Variants in BOC observed in about 807,000 individuals in gnomAD.
BOC encodes BOC cell adhesion associated, oncogene regulated.
A neutral mutation model predicts 112.0 loss-of-function variants in BOC; 76 were observed. That is an observed-to-expected ratio of 0.68 (90% CI 0.56 to 0.82). BOC has a LOEUF of 0.82. BOC is among the 40% of genes least tolerant of loss of function. The pLI is 0.00. For missense variants in BOC, 1,309 were observed against 1,511.7 expected (o/e 0.87, Z 2.22); for synonymous variants, 580 against 599.8 (o/e 0.97, Z 0.48).
intron 5 of BOC, 72 bp downstream of exon 5, chr3:113,268,517 C>A: frequency 1.4e-6 from 2 of 1,459,054 alleles, no homozygotes; most frequent in Non-Finnish European, 9.4e-7. Context: ...CCGCTCGCTG[C>A]TCAACAAAGC....
rs780233604 is a variant in BOC, at chr3:113,278,982, C to T, written c.1816+199C>T. The T allele has an allele frequency of 3.3e-5, 21 of 641,160 alleles. No homozygotes were observed. Among genetic ancestry groups the T allele is most frequent in the Non-Finnish European group, 5.1e-5 (19 of 372,632 alleles). The allele number at this position is 641,160 out of a possible 1,614,324, so 39.7% of individuals were successfully genotyped here. On this transcript the variant is annotated intron_variant, in intron 11 of 19. Coordinates refer to ENST00000682979, the MANE Select transcript of BOC (RefSeq NM_001378074.1). This position sits in a 1 kb window ranked among gnomAD's most constrained non-coding sequence, Gnocchi z 4.2. Reference sequence around the variant, plus strand: ...TGATGCTGGGATTGCTCACTGGGTGCATCCAGAGAGCAGCAGAGGCCAGAG... The same window carrying T: ...TGATGCTGGGATTGCTCACTGGGTGTATCCAGAGAGCAGCAGAGGCCAGAG...
chr3:113,236,350 T>A (rs1943565268), intron 2 of BOC, among the ~76,000 whole-genome samples: 1 of 90,486 alleles, frequency 1.1e-5, no homozygotes, highest in Non-Finnish European at 2.7e-5. Context: ...AAGAATGGAA[T>A]CATGTCTTTT....
Position 113,250,805 on chromosome 3 carries a change from C to T in BOC, c.348C>T (p.Ala116=), listed in dbSNP as rs1369980582. ...CVARMPAGAV[A]SVPATVTLAN... ...CCCGGATGCCTGCGGGGGCTGTGGC[C>T]AGCGTGCCAGCCACTGTGACACTAG... is the stretch of plus-strand genomic sequence containing the variant. The change falls in exon 4 of 20, where the codon GCC becomes GCT. Residue 116 remains alanine (A), a synonymous_variant. Coordinates refer to ENST00000682979, the MANE Select transcript of BOC (RefSeq NM_001378074.1). 1.1e-5 allele frequency: 18 copies of T among 1,613,642 alleles called. No homozygotes were observed. Among genetic ancestry groups the T allele is most frequent in the Non-Finnish European group, 1.5e-5 (18 of 1,179,996 alleles).
intron 3 of BOC, among the ~76,000 whole-genome samples, 159 bp from the exon 4 acceptor site, chr3:113,250,396 A>C (rs1945467402): frequency 6.6e-6 from 1 of 152,202 alleles, no homozygotes; most frequent in African/African-American, 2.4e-5. Flanking sequence ...TCTGGGAACA[A>C]AGGCAGGTTG....
chr3:113,270,567 C>A, intron 5 of BOC: 1 of 494,434 alleles, frequency 2.0e-6, no homozygotes. Context: ...GTCAGCCAGT[C>A]TGTTAGCTGG....
intron 4 of BOC, among the ~76,000 whole-genome samples, chr3:113,255,864 T>C (rs1429583997): frequency 6.6e-6 from 1 of 152,108 alleles, no homozygotes; most frequent in Admixed American, 6.5e-5. Context: ...AACCCATGAA[T>C]AAAATGAAGG....
chr3:113,260,706 ACAGAACAGAACAGAAAGAAC>A, intron 4 of BOC, among the ~76,000 whole-genome samples: 1 of 137,644 alleles, frequency 7.3e-6, no homozygotes, highest in Non-Finnish European at 1.5e-5. Context: ...ACAGAACAGA[ACAGAACAGAACAGAAAGAAC>A]AGAACAGAAC....
intron 3 of BOC, 69 bp downstream of exon 3, chr3:113,249,968 C>T: frequency 3.7e-6 from 5 of 1,361,010 alleles, no homozygotes; most frequent in Non-Finnish European, 5.1e-6. Context: ...TACAATAACT[C>T]TTTAAAAAGG....
chr3:113,268,567 G>A (rs559753153), intron 5 of BOC, 122 bp downstream of exon 5: 5 of 905,852 alleles, frequency 5.5e-6, no homozygotes, highest in South Asian at 5.0e-5. Flanking sequence ...CCCTCAACAT[G>A]CCAGCAGCCC....
In BOC at chr3:113,216,184, C is replaced by G; in HGVS notation, c.-169-3C>G. The G allele has an allele frequency of 2.2e-6, 1 of 450,394 alleles. No homozygotes were observed. The highest frequency in any genetic ancestry group is 4.5e-6 in the Non-Finnish European group (1 of 224,074). The allele number at this position is 450,394 out of a possible 1,614,324, so 27.9% of individuals were successfully genotyped here. On this transcript the variant is annotated splice_region_variant and splice_polypyrimidine_tract_variant and intron_variant, in intron 1 of 19. Coordinates refer to ENST00000682979, the MANE Select transcript of BOC (RefSeq NM_001378074.1). The stretch of plus-strand genomic sequence containing the variant: ...AAGATGAGATAATTCTCTTTTTCCT[C>G]AGTTTCAGAACAAGCTTCCTGGAAC...
chr3:113,220,788 C>T (rs1940470146), intron 2 of BOC, among the ~76,000 whole-genome samples: 1 of 152,168 alleles, frequency 6.6e-6, no homozygotes, highest in South Asian at 2.1e-4. Flanking sequence ...AATGTAGGGT[C>T]TCAGGTCCAG....
rs76320225 is a variant in BOC at position 113,241,390 on chromosome 3, C to T, written c.-81-8332C>T. 2.9e-3 allele frequency among the ~76,000 whole-genome samples: 435 copies of T among 152,236 alleles called. 3 individuals are homozygous for T. The highest frequency in any genetic ancestry group is 4.7e-3 in the Non-Finnish European group (322 of 68,016). On this transcript the variant is annotated intron_variant, in intron 2 of 19. Transcript: ENST00000682979. ...TCTGCACACACAACATCAAGTGTTC[C>T]TGGCCCTGTGTGGATGCTGCAGCCC...
At chr3:113,249,930 T>G (rs569413832) in intron 3 of BOC, 31 bp downstream of exon 3, 2 of 1,573,660 alleles carry the variant, frequency 1.3e-6, no homozygotes, top group South Asian at 2.2e-5. Context: ...TCCCTGCCCT[T>G]ACAGTCAAAT....
chr3:113,260,515 C>T (rs1246432941), intron 4 of BOC, among the ~76,000 whole-genome samples: 2 of 152,172 alleles, frequency 1.3e-5, no homozygotes, highest in African/African-American at 4.8e-5. Flanking sequence ...CCCCAACCCC[C>T]AGGCAGCAGA....
chr3:113,278,548 C>T lies in BOC; in HGVS notation c.1706-125C>T. The T allele has an allele frequency of 1.1e-6, 1 of 872,278 alleles. No homozygotes were observed. The allele number at this position is 872,278 out of a possible 1,614,324, so 54.0% of individuals were successfully genotyped here. A position where few individuals can be genotyped will look rare whatever the true frequency, so the allele number is the denominator to read the frequency against. On this transcript the variant is annotated intron_variant, in intron 10 of 19. Transcript: ENST00000682979. This position sits in a 1 kb window ranked among gnomAD's most constrained non-coding sequence, Gnocchi z 4.2. ...CGAGGCTGAGCCCACACCCTCAGTG[C>T]CCCGGATGCTTATTTGCATCACTTT...
Position 113,287,299 on chromosome 3 carries a change from G to A in BOC, c.*437G>A, listed in dbSNP as rs1262347406. 3 of 303,190 alleles carry A rather than the reference G, an allele frequency of 9.9e-6. No homozygotes were observed. The highest frequency in any genetic ancestry group is 2.0e-5 in the Non-Finnish European group (3 of 153,234). 18.8% of individuals were successfully genotyped at this position (303,190 alleles called of 1,614,324 possible). A position where few individuals can be genotyped will look rare whatever the true frequency, so the allele number is the denominator to read the frequency against. ...CAGATGGCTGGATCCGGTGCTACGG[G>A]AAACATTTTCCTAAGATGCCCATGA... is the stretch of plus-strand genomic sequence containing the variant. On this transcript the variant is annotated 3_prime_UTR_variant, in exon 20 of 20. Coordinates refer to ENST00000682979, the MANE Select transcript of BOC (RefSeq NM_001378074.1).
At chr3:113,248,183 G>C (rs959658257) in intron 2 of BOC, among the ~76,000 whole-genome samples, 7 of 152,214 alleles carry the variant, frequency 4.6e-5, no homozygotes, top group African/African-American at 1.7e-4. Context: ...TCTGCAGCCA[G>C]GCAGAAAGCC....
At chr3:113,245,721 GTCA>G (rs1369042442) in intron 2 of BOC, among the ~76,000 whole-genome samples, 1 of 152,194 alleles carries the variant, frequency 6.6e-6, no homozygotes, top group African/African-American at 2.4e-5. Context: ...AAAAGACTTT[GTCA>G]GATCGTATTC....
rs539272844 is a variant in BOC, at chr3:113,249,877, A to G, written c.75A>G (p.Thr25=). The G allele has an allele frequency of 3.5e-5, 56 of 1,613,676 alleles. No individual in the cohort carries two copies. The South Asian group carries it at 4.9e-4, about 14-fold the overall frequency. ...EVTLACLLLA[T]AGCFADLNEV... Reference sequence around the variant, plus strand: ...CACTGGCTTGCCTCCTCCTAGCCACAGCAGGCTGCTTTGCTGACTTGAGTG... The same window carrying G: ...CACTGGCTTGCCTCCTCCTAGCCACGGCAGGCTGCTTTGCTGACTTGAGTG... Residue 25 remains threonine (T), a synonymous_variant, in exon 3 of 20, where the codon ACA becomes ACG. Coordinates refer to ENST00000682979, the MANE Select transcript of BOC (RefSeq NM_001378074.1).
Sources: allele counts gnomAD v4.1 joint callset (sites outside exome capture counted in the v4.1 genomes callset), GRCh38; gene constraint gnomAD v4.1.1; non-coding constraint Gnocchi (gnomAD v3.1); transcripts MANE v1.5; gene names NCBI Gene and HGNC (gene_info 2026-07-23, HGNC 2026-07-21).